The following NEXMIF variants were observed in gnomAD, a reference collection of about 807,000 sequenced individuals.
NEXMIF encodes the protein XLMR protein related to neurite extension.
NEXMIF carries 8 observed loss-of-function variants against 62.1 expected under a neutral mutation model. The ratio of observed to expected loss-of-function variants is 0.13; its 90% CI spans 0.08 to 0.23. The LOEUF (loss-of-function observed/expected upper bound fraction) is 0.23, where lower values mean the gene tolerates loss of function less well. NEXMIF is among the 10% of genes least tolerant of loss of function. The pLI is 1.00. For missense variants in NEXMIF, 976 were observed against 1,113.3 expected, an observed-to-expected ratio of 0.88 and a Z score of 1.75; for synonymous variants, 404 against 416.6, an observed-to-expected ratio of 0.97 and a Z score of 0.37.
At chrX:74,887,533 A>G (rs1449485905) in intron 1 of NEXMIF, among the ~76,000 whole-genome samples, 8 of 112,482 alleles carry the variant, frequency 7.1e-5, no homozygotes, top group African/African-American at 3.2e-5. Context: ...TCAGCCAAAA[A>G]ACACATGAAG....
At chrX:74,879,254 T>G (rs1281073291) in intron 1 of NEXMIF, among the ~76,000 whole-genome samples, 2 of 111,850 alleles carry the variant, frequency 1.8e-5, no homozygotes, top group African/African-American at 6.5e-5. Flanking sequence ...TATTCCTATT[T>G]TTAAGTGATG....
At chrX:74,764,461 A>T (rs1431952646) in intron 1 of NEXMIF, among the ~76,000 whole-genome samples, 1 of 111,931 alleles carries the variant, frequency 8.9e-6, no homozygotes, top group African/African-American at 3.3e-5. Flanking sequence ...AGGCTTTGGT[A>T]TCAGGATGAT....
At chrX:74,849,854 C>T (rs2080506826) in intron 1 of NEXMIF, among the ~76,000 whole-genome samples, 1 of 112,211 alleles carries the variant, frequency 8.9e-6, no homozygotes, top group Non-Finnish European at 1.9e-5. Context: ...CTACAGCTAC[C>T]ACCTGAGACC....
At chrX:74,873,387 T>C (rs1477304575) in intron 1 of NEXMIF, among the ~76,000 whole-genome samples, 4 of 112,222 alleles carry the variant, frequency 3.6e-5, no homozygotes, top group African/African-American at 6.5e-5. Context: ...ATCCAGTCTA[T>C]CATTGTTGGA....
chrX:74,756,691 C>T (rs888886018), intron 1 of NEXMIF, among the ~76,000 whole-genome samples: 7 of 111,634 alleles, frequency 6.3e-5, no homozygotes, highest in Admixed American at 9.5e-5. Flanking sequence ...CAACTCATTA[C>T]TGTTACCCAT....
chrX:74,782,010 C>T (rs980637877), intron 1 of NEXMIF, among the ~76,000 whole-genome samples: 2 of 111,996 alleles, frequency 1.8e-5, no homozygotes, highest in African/African-American at 6.5e-5. Flanking sequence ...GGGAACTAAC[C>T]AGATGACACA....
At position 74,899,700 on chromosome X, in the gene NEXMIF, T is replaced by C. The variant is rs908161581; in HGVS notation, c.-48+25183A>G. Among the ~76,000 whole-genome samples, 17 of 111,742 alleles carry C rather than the reference T, an allele frequency of 1.5e-4. 1 individual carries two copies. Among genetic ancestry groups the C allele is most frequent in the African/African-American group, 5.5e-4 (17 of 30,707 alleles). ...AATGCAATCCCTACCAAAATTCTGATGACATTTTTCACAGAAATAGAAAAA... is the reference window on the plus strand; with the variant it reads ...AATGCAATCCCTACCAAAATTCTGACGACATTTTTCACAGAAATAGAAAAA... On this transcript the variant is annotated intron_variant, in intron 1 of 3. Transcript: ENST00000055682.
At chrX:74,876,056 T>C (rs1278009126) in intron 1 of NEXMIF, among the ~76,000 whole-genome samples, 1 of 111,583 alleles carries the variant, frequency 9.0e-6, no homozygotes, top group East Asian at 2.8e-4. Flanking sequence ...GTGTTTGCTC[T>C]TGCTTTTCTA....
intron 1 of NEXMIF, among the ~76,000 whole-genome samples, chrX:74,909,715 C>T (rs1247025447): frequency 8.9e-6 from 1 of 112,033 alleles, no homozygotes; most frequent in African/African-American, 3.2e-5. Context: ...CCATCATAGA[C>T]ACAGGAGCCT....
intron 1 of NEXMIF, among the ~76,000 whole-genome samples, chrX:74,793,899 A>G (rs761156751): frequency 2.5e-5 from 2 of 79,256 alleles, no homozygotes; most frequent in African/African-American, 8.9e-5. Flanking sequence ...CAAAGTTTTC[A>G]ACTTCTTTGC....
intron 1 of NEXMIF, among the ~76,000 whole-genome samples, chrX:74,912,204 C>G (rs990026509): frequency 2.7e-5 from 3 of 111,546 alleles, no homozygotes; most frequent in Non-Finnish European, 3.8e-5. Context: ...CATAAATGCT[C>G]CCCACCTGGC....
At chrX:74,762,674 T>C (rs2080180880) in intron 1 of NEXMIF, among the ~76,000 whole-genome samples, 2 of 112,153 alleles carry the variant, frequency 1.8e-5, no homozygotes, top group South Asian at 7.5e-4. Context: ...TGTGAGATGG[T>C]ATCTCATTGT....
At chrX:74,826,316 T>A (rs2080417150) in intron 1 of NEXMIF, among the ~76,000 whole-genome samples, 1 of 112,388 alleles carries the variant, frequency 8.9e-6, no homozygotes, top group Admixed American at 9.4e-5. Flanking sequence ...ATGTCTTCTT[T>A]TGAAAAGTGT....
chrX:74,789,639 G>C (rs2080272381), intron 1 of NEXMIF, among the ~76,000 whole-genome samples: 1 of 110,628 alleles, frequency 9.0e-6, no homozygotes, highest in South Asian at 3.9e-4. Flanking sequence ...AGCACCTGTT[G>C]TTTCCTGACT....
intron 1 of NEXMIF, among the ~76,000 whole-genome samples, chrX:74,835,412 C>A (rs761330426): frequency 1.8e-5 from 2 of 111,540 alleles, no homozygotes; most frequent in African/African-American, 3.3e-5. Context: ...TTATTGTAGT[C>A]TTCACAGTCT....
intron 1 of NEXMIF, among the ~76,000 whole-genome samples, chrX:74,882,263 C>G (rs1045402837): frequency 8.9e-6 from 1 of 111,849 alleles, no homozygotes; most frequent in Non-Finnish European, 1.9e-5. Flanking sequence ...ACTGAGGTAA[C>G]GGGTTCATCT....
In NEXMIF at chrX:74,739,289, G is replaced by A; in HGVS notation, c.*116C>T. ...TTTTTAAGTCTTTTACATAGAACATGAGATTAAAGTTTGCTCCAAAGACGT... is the reference window on the plus strand; with the variant it reads ...TTTTTAAGTCTTTTACATAGAACATAAGATTAAAGTTTGCTCCAAAGACGT... On this transcript the variant is annotated 3_prime_UTR_variant, in exon 4 of 4. Coordinates refer to ENST00000055682, the MANE Select transcript of NEXMIF (RefSeq NM_001008537.3). The A allele has an allele frequency of 2.1e-6, 1 of 470,194 alleles. No homozygotes were observed. The highest frequency in any genetic ancestry group is 3.9e-5 in the South Asian group (1 of 25,765). 38.7% of individuals were successfully genotyped at this position (470,194 alleles called of 1,213,427 possible).
In NEXMIF at chrX:74,739,211, A is replaced by T. The variant is rs1002884693; in HGVS notation, c.*194T>A. The T allele has an allele frequency of 5.3e-5, 18 of 342,401 alleles. No individual in the cohort carries two copies. The highest frequency in any genetic ancestry group is 9.0e-5 in the Non-Finnish European group (18 of 201,012). 28.2% of individuals were successfully genotyped at this position (342,401 alleles called of 1,213,427 possible). ...GTTTGTAGTTTGGCACAATGTTTTC[A>T]ATTTTTTCCTTGTGGGTAAATAGTG... On this transcript the variant is annotated 3_prime_UTR_variant, in exon 4 of 4. Coordinates refer to ENST00000055682, the MANE Select transcript of NEXMIF (RefSeq NM_001008537.3).
intron 1 of NEXMIF, among the ~76,000 whole-genome samples, chrX:74,796,288 T>A (rs2080311589): frequency 4.8e-5 from 1 of 20,767 alleles, no homozygotes; most frequent in Non-Finnish European, 1.0e-4. Flanking sequence ...ATATATTATA[T>A]ATATTATATA....
Sources: allele counts gnomAD v4.1 joint callset (sites outside exome capture counted in the v4.1 genomes callset), GRCh38; gene constraint gnomAD v4.1.1; transcripts MANE v1.5; gene names NCBI Gene and HGNC (gene_info 2026-07-23, HGNC 2026-07-21).